Variants in CNTNAP2 observed in about 807,000 individuals in gnomAD.
The protein encoded by CNTNAP2 is contactin associated protein 2.
In CNTNAP2, 98 loss-of-function variants were observed where a neutral mutation model predicts 155.2. The observed-to-expected ratio is 0.63, with a 90% CI of 0.54 to 0.75. The LOEUF (loss-of-function observed/expected upper bound fraction) is 0.75. Ranked by LOEUF, CNTNAP2 falls within the 30% of genes least tolerant of loss-of-function variation. The pLI is 0.00. For synonymous variants in CNTNAP2, 651 were observed against 631.2 expected, an observed-to-expected ratio of 1.03 and a Z score of -0.47; for missense variants, 1,727 against 1,688.1, an observed-to-expected ratio of 1.02 and a Z score of -0.40.
chr7:146,403,287 C>T (rs764897426), intron 1 of CNTNAP2, among the ~76,000 whole-genome samples: 13 of 152,074 alleles, frequency 8.5e-5, no homozygotes, highest in African/African-American at 2.9e-4. Flanking sequence ...TAGTCACTTG[C>T]TATCATATTC....
At chr7:146,278,084 C>G (rs1461574351) in intron 1 of CNTNAP2, among the ~76,000 whole-genome samples, 1 of 152,126 alleles carries the variant, frequency 6.6e-6, no homozygotes, top group Non-Finnish European at 1.5e-5. Flanking sequence ...GCCCTGCCTC[C>G]CACAGACTTT....
chr7:147,681,418 A>C lies in CNTNAP2; in HGVS notation c.2098+42112A>C, dbSNP rs1403906219. Reference sequence around the variant, plus strand: ...CCAAATATTAACCTGAGGAACCTAAAAGCACACCAGAACTTTCTGAAACTT... The same window carrying C: ...CCAAATATTAACCTGAGGAACCTAACAGCACACCAGAACTTTCTGAAACTT... On this transcript the variant is annotated intron_variant, in intron 13 of 23. Coordinates refer to ENST00000361727, the MANE Select transcript of CNTNAP2 (RefSeq NM_014141.6). Among the ~76,000 whole-genome samples, 12 of 151,822 alleles carry C rather than the reference A, an allele frequency of 7.9e-5. No individual in the cohort carries two copies. In the Admixed American group the frequency reaches 7.9e-4, roughly 10 times the overall value.
intron 2 of CNTNAP2, among the ~76,000 whole-genome samples, chr7:146,805,351 A>G (rs1036537442): frequency 1.3e-5 from 2 of 152,186 alleles, no homozygotes; most frequent in East Asian, 3.8e-4. Context: ...GTAGGCCTCT[A>G]TAAAATTGAT....
rs372391063 is a variant in CNTNAP2 at position 147,575,978 on chromosome 7, A to G, written c.1897+13721A>G. 1.8e-4 allele frequency among the ~76,000 whole-genome samples: 27 copies of G among 152,252 alleles called. 1 individual carries two copies. The East Asian group carries it at 3.5e-3, about 20-fold the overall frequency. On this transcript the variant is annotated intron_variant, in intron 12 of 23. Coordinates refer to ENST00000361727, the MANE Select transcript of CNTNAP2 (RefSeq NM_014141.6). ...TTACAAAAGGCTGTTTACACAAAGA[A>G]TATAGATTTGGATGACATCCTGTAT... is the stretch of plus-strand genomic sequence containing the variant.
intron 4 of CNTNAP2, among the ~76,000 whole-genome samples, chr7:147,056,248 C>T (rs1799558853): frequency 6.6e-6 from 1 of 152,096 alleles, no homozygotes; most frequent in Non-Finnish European, 1.5e-5. Context: ...AACCATTTAT[C>T]ATGTCTATTT....
chr7:147,384,729 G>A (rs1008597867), intron 9 of CNTNAP2, among the ~76,000 whole-genome samples: 3 of 152,188 alleles, frequency 2.0e-5, no homozygotes, highest in African/African-American at 7.2e-5. Context: ...TTAGCGTTAA[G>A]TGCCATTTCA....
At chr7:147,081,721 G>C (rs976384717) in intron 4 of CNTNAP2, 1 of 151,930 alleles carries the variant, frequency 6.6e-6, no homozygotes, top group African/African-American at 2.4e-5. Context: ...TGAAAGTGCT[G>C]GGATTACAGG....
chr7:147,196,420 C>G (rs2116537221), intron 8 of CNTNAP2, among the ~76,000 whole-genome samples: 1 of 152,300 alleles, frequency 6.6e-6, no homozygotes, highest in African/African-American at 2.4e-5. Context: ...CCATGTTTTC[C>G]TTTAATACTT....
At chr7:146,603,605 G>A (rs554948121) in intron 1 of CNTNAP2, among the ~76,000 whole-genome samples, 3,441 of 150,566 alleles carry the variant, frequency 0.023, 167 homozygotes, top group African/African-American at 0.077. Context: ...AAAAGAGCCC[G>A]CATTGCCAAG....
At chr7:146,521,832 G>C (rs1797620386) in intron 1 of CNTNAP2, among the ~76,000 whole-genome samples, 1 of 151,706 alleles carries the variant, frequency 6.6e-6, no homozygotes. Flanking sequence ...ATCCTGGGCT[G>C]GTTAAGAAAA....
In CNTNAP2 at chr7:147,772,241, T is replaced by C. The variant is rs1042980397; in HGVS notation, c.2099-131324T>C. Reference sequence around the variant, plus strand: ...GAATTCAAGACCAGCCTGACCAACATAGTGAAATTGCGTCTCTACTAAAAA... The same window carrying C: ...GAATTCAAGACCAGCCTGACCAACACAGTGAAATTGCGTCTCTACTAAAAA... On this transcript the variant is annotated intron_variant, in intron 13 of 23. Transcript: ENST00000361727. Among the ~76,000 whole-genome samples the C allele has an allele frequency of 6.0e-5, 9 of 151,176 alleles. No homozygotes were observed. The South Asian group carries it at 6.3e-4, about 11-fold the overall frequency.
At chr7:146,630,477 A>G (rs150724809) in intron 1 of CNTNAP2, among the ~76,000 whole-genome samples, 2 of 152,238 alleles carry the variant, frequency 1.3e-5, no homozygotes, top group African/African-American at 4.8e-5. Context: ...AGAATGATTT[A>G]TAATCCTTTG....
intron 2 of CNTNAP2, among the ~76,000 whole-genome samples, chr7:146,821,463 T>A (rs1425213817): frequency 1.3e-5 from 2 of 152,136 alleles, no homozygotes; most frequent in East Asian, 3.9e-4. Context: ...GGTTGAAAAT[T>A]CTTTTCTTTA....
At chr7:148,135,038 A>G (rs1804907712) in intron 16 of CNTNAP2, among the ~76,000 whole-genome samples, 1 of 152,128 alleles carries the variant, frequency 6.6e-6, no homozygotes, top group South Asian at 2.1e-4. Flanking sequence ...TTAAGACTCC[A>G]TAACAATATT....
At chr7:148,100,962 G>C (rs929222678) in intron 15 of CNTNAP2, among the ~76,000 whole-genome samples, 10 of 152,070 alleles carry the variant, frequency 6.6e-5, no homozygotes, top group Non-Finnish European at 1.3e-4. Flanking sequence ...AAAAAATGAA[G>C]AGTTCATGTC....
chr7:147,064,261 GT>G (rs1799738165), intron 4 of CNTNAP2, among the ~76,000 whole-genome samples: 1 of 152,106 alleles, frequency 6.6e-6, no homozygotes, highest in African/African-American at 2.4e-5. Flanking sequence ...AAACTCCAAT[GT>G]CAACTTAATT....
At chr7:146,667,718 CT>C (rs35550665) in intron 1 of CNTNAP2, among the ~76,000 whole-genome samples, 74 of 150,094 alleles carry the variant, frequency 4.9e-4, no homozygotes, top group Middle Eastern at 3.4e-3. Flanking sequence ...TAGGTTTCCT[CT>C]TTTTTTTTTT....
chr7:146,261,503 A>G (rs929650831), intron 1 of CNTNAP2, among the ~76,000 whole-genome samples: 4 of 151,970 alleles, frequency 2.6e-5, no homozygotes, highest in Non-Finnish European at 5.9e-5. Flanking sequence ...GAGGGAGGGC[A>G]CACCAAAAAA....
At chr7:147,243,132 G>A (rs908087341) in intron 8 of CNTNAP2, among the ~76,000 whole-genome samples, 4 of 150,706 alleles carry the variant, frequency 2.7e-5, no homozygotes, top group African/African-American at 9.8e-5. Context: ...CAAGAGCTGG[G>A]ACTACAGGGG....
Sources: gnomAD v4.1 joint callset for allele counts (sites outside exome capture counted in the v4.1 genomes callset) on GRCh38, gnomAD v4.1.1 for gene constraint, MANE v1.5 for transcripts, NCBI Gene and HGNC (gene_info 2026-07-23, HGNC 2026-07-21) for gene names.